SGMS1: variants seen among roughly 807,000 people sequenced by gnomAD.
SGMS1 encodes the protein phosphatidylcholine:ceramide cholinephosphotransferase 1.
In SGMS1, 13 loss-of-function variants were observed where a neutral mutation model predicts 46.2. That is an observed-to-expected ratio of 0.28 (90% confidence interval 0.18 to 0.45). The LOEUF (loss-of-function observed/expected upper bound fraction) is 0.45, where lower values mean the gene tolerates loss of function less well. SGMS1 is among the 20% of genes least tolerant of loss of function. The pLI is 1.00. For synonymous variants in SGMS1, 203 were observed against 187.8 expected, an observed-to-expected ratio of 1.08 and a Z score of -0.66; for missense variants, 324 against 519.9, an observed-to-expected ratio of 0.62 and a Z score of 3.66.
chr10:50,423,304 T>TC (rs10639225), intron 6 of SGMS1, among the ~76,000 whole-genome samples: 1 of 151,330 alleles, frequency 6.6e-6, no homozygotes, highest in Non-Finnish European at 1.5e-5. Flanking sequence ...CCACTTAATT[T>TC]AGCTCTGCAT....
At chr10:50,470,095 C>A (rs1199817563) in intron 3 of SGMS1, among the ~76,000 whole-genome samples, 1 of 152,170 alleles carries the variant, frequency 6.6e-6, no homozygotes, top group Non-Finnish European at 1.5e-5. Flanking sequence ...GAAATTGCAG[C>A]AGGCATGCTT....
intron 2 of SGMS1, among the ~76,000 whole-genome samples, chr10:50,568,342 G>A (rs1487849399): frequency 6.6e-6 from 1 of 152,132 alleles, no homozygotes; most frequent in African/African-American, 2.4e-5. Flanking sequence ...AAGGAAGAAT[G>A]GAATGAAGGA....
chr10:50,411,277 T>C (rs1589428977), intron 6 of SGMS1, among the ~76,000 whole-genome samples: 1 of 152,360 alleles, frequency 6.6e-6, no homozygotes, highest in East Asian at 1.9e-4. Context: ...AATAGACCTA[T>C]GGTGTGGATA....
At chr10:50,591,933 T>C (rs963989592) in intron 1 of SGMS1, among the ~76,000 whole-genome samples, 6 of 152,178 alleles carry the variant, frequency 3.9e-5, no homozygotes, top group African/African-American at 1.4e-4. Context: ...CGCGAAGTAC[T>C]GGTGTACAAA....
chr10:50,581,976 G>A (rs1358413832), intron 2 of SGMS1, among the ~76,000 whole-genome samples: 1 of 152,244 alleles, frequency 6.6e-6, no homozygotes, highest in Non-Finnish European at 1.5e-5. Context: ...CCTAGGCACA[G>A]TGGCCGTCTG....
intron 3 of SGMS1, among the ~76,000 whole-genome samples, chr10:50,509,266 G>C (rs1210066085): frequency 6.6e-6 from 1 of 152,092 alleles, no homozygotes. Context: ...AAAGGATGTT[G>C]ATTATCAAGA....
chr10:50,476,386 A>G (rs1424946106), intron 3 of SGMS1, among the ~76,000 whole-genome samples: 2 of 152,088 alleles, frequency 1.3e-5, no homozygotes, highest in Non-Finnish European at 2.9e-5. Flanking sequence ...CTATAAAGAT[A>G]CCCAAAAATG....
At chr10:50,327,977 T>G (rs1265349569) in intron 7 of SGMS1, 4 of 293,978 alleles carry the variant, frequency 1.4e-5, no homozygotes, top group Non-Finnish European at 2.6e-5. Context: ...GTCTGAAAAA[T>G]TCCTACCATA....
chr10:50,339,863 G>C (rs950885124), intron 7 of SGMS1, among the ~76,000 whole-genome samples: 3 of 152,216 alleles, frequency 2.0e-5, no homozygotes, highest in Non-Finnish European at 2.9e-5. Context: ...GAGTGGAGTA[G>C]CTAGAGATAA....
rs774800062 is a variant in SGMS1, at chr10:50,590,186, C to G, written c.-622G>C. On this transcript the variant is annotated 5_prime_UTR_variant, in exon 2 of 11. It removes the in-frame stop codon of an upstream open reading frame in the 5' UTR. Transcript: ENST00000361781. ...TGATGGCTGTCTTCTTTCTCCTGAT[C>G]AAAAATGAATGACTAAATATGCCCA... 2.0e-5 allele frequency: 3 copies of G among 152,270 alleles called. No homozygotes were observed. Among genetic ancestry groups the G allele is most frequent in the Non-Finnish European group, 4.4e-5 (3 of 68,022 alleles). 9.4% of individuals were successfully genotyped at this position (152,270 alleles called of 1,614,324 possible).
At position 50,381,935 on chromosome 10, in the gene SGMS1, G is replaced by A. The variant is rs576924235; in HGVS notation, c.-231-37590C>T. Among the ~76,000 whole-genome samples, 6 of 152,308 alleles carry A rather than the reference G, an allele frequency of 3.9e-5. No homozygotes were observed. In the South Asian group the frequency reaches 8.3e-4, roughly 21 times the overall value. ...AACGTCAGTATCTTTTTGCTGCCAAGTTTGAAAAAGGAGAAAGTGGCACTC... is the reference window on the plus strand; with the variant it reads ...AACGTCAGTATCTTTTTGCTGCCAAATTTGAAAAAGGAGAAAGTGGCACTC... On this transcript the variant is annotated intron_variant, in intron 6 of 10. Transcript: ENST00000361781.
Position 50,307,807 on chromosome 10 carries a change from C to T in SGMS1, c.1062+175G>A, listed in dbSNP as rs1847198447. On this transcript the variant is annotated intron_variant, in intron 10 of 10. Transcript: ENST00000361781. This position sits in a 1 kb window ranked among gnomAD's most constrained non-coding sequence, Gnocchi z 4.2. ...TTCCTCACATCATTATATTAATAAA[C>T]TTTTTATTCTTAATTCTGAAGAGAA... 6.6e-6 allele frequency among the ~76,000 whole-genome samples: 1 copy of T among 152,146 alleles called. No individual in the cohort carries two copies.
At chr10:50,587,521 T>C (rs529597812) in intron 2 of SGMS1, among the ~76,000 whole-genome samples, 1 of 152,182 alleles carries the variant, frequency 6.6e-6, no homozygotes, top group East Asian at 1.9e-4. Flanking sequence ...TAATCCCAGC[T>C]ACTCGGGAGG....
At chr10:50,533,485 GT>G (rs1837973468) in intron 2 of SGMS1, among the ~76,000 whole-genome samples, 1 of 152,152 alleles carries the variant, frequency 6.6e-6, no homozygotes, top group African/African-American at 2.4e-5. Flanking sequence ...TGAAAGATCA[GT>G]GAACAAATGT....
chr10:50,594,171 T>C (rs1406014286), intron 1 of SGMS1, among the ~76,000 whole-genome samples: 5 of 152,344 alleles, frequency 3.3e-5, no homozygotes, highest in African/African-American at 1.2e-4. Flanking sequence ...GCATCACTAC[T>C]ACAAATAAAT....
At chr10:50,524,582 G>T (rs1306267404) in intron 2 of SGMS1, among the ~76,000 whole-genome samples, 1 of 152,132 alleles carries the variant, frequency 6.6e-6, no homozygotes, top group African/African-American at 2.4e-5. Context: ...GCTAAGCATG[G>T]ATGGGCACTT....
At chr10:50,455,310 T>C (rs985626526) in intron 5 of SGMS1, among the ~76,000 whole-genome samples, 2 of 152,172 alleles carry the variant, frequency 1.3e-5, no homozygotes, top group East Asian at 1.9e-4. Flanking sequence ...TGTTTGCAAA[T>C]TGGTCATAAT....
At chr10:50,551,944 C>T (rs765711629) in intron 2 of SGMS1, among the ~76,000 whole-genome samples, 15 of 152,158 alleles carry the variant, frequency 9.9e-5, no homozygotes, top group Non-Finnish European at 1.6e-4. Context: ...GGTTGGCAAA[C>T]TTTTTGTGTA....
rs114984933 is a variant in SGMS1 at position 50,343,359 on chromosome 10, T to G, written c.623+133A>C. 3,324 of 981,088 alleles carry G rather than the reference T, an allele frequency of 3.4e-3. 84 individuals carry two copies. The African/African-American group carries it at 0.048, about 14-fold the overall frequency. 60.8% of individuals were successfully genotyped at this position (981,088 alleles called of 1,614,324 possible). On this transcript the variant is annotated intron_variant, in intron 7 of 10. Transcript: ENST00000361781. ...GACAGTAAGTTAGTCCAACAGGGTA[T>G]GTGTTTAAAAAAGAAAAAAAAATAG...
Sources: gnomAD v4.1 joint callset for allele counts (sites outside exome capture counted in the v4.1 genomes callset) on GRCh38, gnomAD v4.1.1 for gene constraint, Gnocchi (gnomAD v3.1) non-coding constraint, MANE v1.5 for transcripts, NCBI Gene and HGNC (gene_info 2026-07-23, HGNC 2026-07-21) for gene names.